Variants in SLC14A2 observed in about 807,000 individuals in gnomAD.
SLC14A2 encodes urea transporter 2.
Under a neutral mutation model 104.6 loss-of-function variants are expected in SLC14A2, and 91 were observed. The observed-to-expected ratio is 0.87, with a 90% confidence interval of 0.73 to 1.04. The LOEUF is 1.04. Among genes scored for constraint, SLC14A2 ranks in the 50% least tolerant of loss-of-function variants. The pLI is 0.00. For synonymous variants in SLC14A2, 476 were observed against 466.4 expected (o/e 1.02, Z -0.27); for missense variants, 1,189 against 1,156.0 (o/e 1.03, Z -0.41).
the SLC14A2 span, among the ~76,000 whole-genome samples, chr18:45,200,823 C>T: frequency 1.3e-5 from 2 of 152,038 alleles, no homozygotes; most frequent in Admixed American, 6.6e-5. Context: ...CTCCAAAATA[C>T]CCAATGCCTG....
chr18:45,554,082 T>A (rs918921450), intron 2 of SLC14A2, among the ~76,000 whole-genome samples: 1 of 152,262 alleles, frequency 6.6e-6, no homozygotes, highest in African/African-American at 2.4e-5. Context: ...AGCATTACAA[T>A]GCCCCACTTC....
chr18:45,399,100 G>A lies in SLC14A2; in HGVS notation c.-124-84133G>A, dbSNP rs531329994. ...AACAATCTCAAGAAGTAAATTCTAT[G>A]ATTGCCCCCAATATTGAGATGAGAA... On this transcript the variant is annotated intron_variant, in intron 1 of 20. Transcript: ENST00000586448. 3.3e-5 allele frequency among the ~76,000 whole-genome samples: 5 copies of A among 152,260 alleles called. No individual in the cohort carries two copies. In the South Asian group the frequency reaches 1.0e-3, roughly 32 times the overall value.
At chr18:45,186,616 C>A in the SLC14A2 span, among the ~76,000 whole-genome samples, 1 of 151,998 alleles carries the variant, frequency 6.6e-6, no homozygotes, top group Admixed American at 6.6e-5. Flanking sequence ...TTTTTTGGAC[C>A]CATCAGAGGA....
intron 2 of SLC14A2, among the ~76,000 whole-genome samples, chr18:45,536,454 A>T (rs1297084391): frequency 1.3e-5 from 2 of 152,162 alleles, no homozygotes; most frequent in Non-Finnish European, 2.9e-5. Context: ...GCTTCTGCTG[A>T]TGGCCGGCAG....
the SLC14A2 span, among the ~76,000 whole-genome samples, chr18:45,178,988 T>C: frequency 1.3e-5 from 2 of 152,196 alleles, no homozygotes; most frequent in Non-Finnish European, 2.9e-5. Context: ...GTAAAATAGA[T>C]GGTTGCTGGA....
At chr18:45,539,996 A>G (rs1166912864) in intron 2 of SLC14A2, among the ~76,000 whole-genome samples, 1 of 152,204 alleles carries the variant, frequency 6.6e-6, no homozygotes, top group Non-Finnish European at 1.5e-5. Context: ...GTGCTGAGCA[A>G]TAGGCAACTC....
At chr18:45,626,275 T>C (rs1270642731) in intron 3 of SLC14A2, among the ~76,000 whole-genome samples, 1 of 152,208 alleles carries the variant, frequency 6.6e-6, no homozygotes, top group African/African-American at 2.4e-5. Flanking sequence ...AAGAAAATAT[T>C]GGTATCATCC....
At chr18:45,680,491 T>C (rs1428013087) in intron 19 of SLC14A2, among the ~76,000 whole-genome samples, 3 of 152,220 alleles carry the variant, frequency 2.0e-5, no homozygotes, top group Non-Finnish European at 4.4e-5. Context: ...CACAATGTCA[T>C]CGAGGAACAG....
At chr18:45,622,448 C>T (rs909716942) in intron 1 of SLC14A2, among the ~76,000 whole-genome samples, 10 of 152,204 alleles carry the variant, frequency 6.6e-5, no homozygotes, top group African/African-American at 2.2e-4. Context: ...GCACTTGGAA[C>T]GTCTATATGT....
intron 1 of SLC14A2, among the ~76,000 whole-genome samples, chr18:45,248,929 T>A (rs1291577045): frequency 2.0e-5 from 3 of 152,174 alleles, no homozygotes; most frequent in Non-Finnish European, 2.9e-5. Context: ...AGAGAAGAAA[T>A]TTTTAAATGA....
chr18:45,522,358 C>T (rs375717713), intron 2 of SLC14A2, among the ~76,000 whole-genome samples: 28 of 152,194 alleles, frequency 1.8e-4, no homozygotes, highest in Non-Finnish European at 3.2e-4. Context: ...GTAATAAACT[C>T]GAGAAGGTAA....
intron 4 of SLC14A2, among the ~76,000 whole-genome samples, chr18:45,630,136 G>A (rs1440345216): frequency 6.6e-6 from 1 of 152,186 alleles, no homozygotes; most frequent in African/African-American, 2.4e-5. Context: ...TTCTAAGCAT[G>A]TTCAGGAGAA....
intron 2 of SLC14A2, among the ~76,000 whole-genome samples, chr18:45,525,908 C>A (rs2043588843): frequency 6.6e-6 from 1 of 152,144 alleles, no homozygotes; most frequent in African/African-American, 2.4e-5. Context: ...GATGGAATTC[C>A]AGGTGCATCT....
the SLC14A2 span, among the ~76,000 whole-genome samples, chr18:45,200,741 G>A: frequency 2.0e-5 from 3 of 152,112 alleles, no homozygotes; most frequent in African/African-American, 7.2e-5. Context: ...GATGCAATAT[G>A]TAGATTTCTT....
At chr18:45,244,063 C>G (rs2084344906) in intron 1 of SLC14A2, among the ~76,000 whole-genome samples, 1 of 152,192 alleles carries the variant, frequency 6.6e-6, no homozygotes, top group South Asian at 2.1e-4. Flanking sequence ...AACCGGGTTT[C>G]TGAGACTGCA....
At chr18:45,211,733 T>C (rs546702142), upstream of SLC14A2, among the ~76,000 whole-genome samples, 2 of 152,318 alleles carry the variant, frequency 1.3e-5, no homozygotes, top group South Asian at 2.1e-4. Flanking sequence ...CTACATTCTT[T>C]AGTCTGTCAA....
At chr18:45,441,879 T>C (rs2086687383) in intron 1 of SLC14A2, among the ~76,000 whole-genome samples, 1 of 152,302 alleles carries the variant, frequency 6.6e-6, no homozygotes, top group African/African-American at 2.4e-5. Flanking sequence ...TATTTTCTAA[T>C]GTCATCCCTT....
chr18:45,322,164 T>G (rs546596192), intron 1 of SLC14A2, among the ~76,000 whole-genome samples: 1 of 152,342 alleles, frequency 6.6e-6, no homozygotes, highest in Admixed American at 6.5e-5. Flanking sequence ...AATACTTTCA[T>G]CTTATTCATT....
chr18:45,480,746 G>T (rs1165241312), intron 1 of SLC14A2, among the ~76,000 whole-genome samples: 1 of 152,190 alleles, frequency 6.6e-6, no homozygotes, highest in East Asian at 1.9e-4. Flanking sequence ...ATCTTGGATT[G>T]CCAGGAACAG....
Sources: allele counts gnomAD v4.1 joint callset (sites outside exome capture counted in the v4.1 genomes callset), GRCh38; gene constraint gnomAD v4.1.1; transcripts MANE v1.5; gene names NCBI Gene and HGNC (gene_info 2026-07-23, HGNC 2026-07-21).